Variants in LOXL2 observed in about 807,000 individuals in gnomAD.
The protein encoded by LOXL2 is lysyl oxidase like 2.
A neutral mutation model predicts 93.0 loss-of-function variants in LOXL2; 70 were observed. The observed-to-expected ratio is 0.75, with a 90% confidence interval of 0.62 to 0.92. The LOEUF (loss-of-function observed/expected upper bound fraction) is 0.92, where lower values mean the gene tolerates loss of function less well. Among genes scored for constraint, LOXL2 ranks in the 40% least tolerant of loss-of-function variants. The pLI is 0.00. For synonymous variants in LOXL2, 438 were observed against 413.2 expected (o/e 1.06, Z -0.73); for missense variants, 973 against 1,054.9 (o/e 0.92, Z 1.08).
chr8:23,352,008 T>TC (rs1804101819), intron 3 of LOXL2, among the ~76,000 whole-genome samples: 1 of 152,164 alleles, frequency 6.6e-6, no homozygotes, highest in Non-Finnish European at 1.5e-5. Context: ...GATGGGGGTC[T>TC]CGTCACGTTG....
At chr8:23,334,116 G>A (rs1179313861) in intron 4 of LOXL2, among the ~76,000 whole-genome samples, 1 of 152,036 alleles carries the variant, frequency 6.6e-6, no homozygotes, top group African/African-American at 2.4e-5. Flanking sequence ...TGCAATCACT[G>A]CAACCTCTGC....
At chr8:23,367,555 T>A (rs1804424483) in intron 2 of LOXL2, among the ~76,000 whole-genome samples, 1 of 152,066 alleles carries the variant, frequency 6.6e-6, no homozygotes, top group South Asian at 2.1e-4. Context: ...GGAGCCATTG[T>A]GAGGAAGAGC....
At chr8:23,376,854 C>A (rs1322511183) in intron 1 of LOXL2, among the ~76,000 whole-genome samples, 1 of 152,108 alleles carries the variant, frequency 6.6e-6, no homozygotes, top group Non-Finnish European at 1.5e-5. Flanking sequence ...GTCTTGCTAG[C>A]AGTCTATCAA....
intron 3 of LOXL2, among the ~76,000 whole-genome samples, chr8:23,346,222 A>T (rs1456425661): frequency 1.3e-5 from 2 of 150,514 alleles, no homozygotes; most frequent in Non-Finnish European, 3.0e-5. Flanking sequence ...AATAAAATAA[A>T]ATAAAATTCA....
rs1803086364 is a variant in LOXL2 at position 23,299,177 on chromosome 8, G to A, written c.2134-230C>T. 3.3e-5 allele frequency among the ~76,000 whole-genome samples: 5 copies of A among 152,318 alleles called. No individual in the cohort carries two copies. The South Asian group carries it at 1.0e-3, about 32-fold the overall frequency. On this transcript the variant is annotated intron_variant, in intron 12 of 13. Coordinates refer to ENST00000389131, the MANE Select transcript of LOXL2 (RefSeq NM_002318.3). ...GAAACCCTGCCCTCTGTCCATATCCGTGTAACACACACCCCTCTACCCAGG... is the reference window on the plus strand; with the variant it reads ...GAAACCCTGCCCTCTGTCCATATCCATGTAACACACACCCCTCTACCCAGG...
At chr8:23,355,197 G>A (rs1264036454) in intron 3 of LOXL2, among the ~76,000 whole-genome samples, 3 of 151,432 alleles carry the variant, frequency 2.0e-5, no homozygotes, top group African/African-American at 2.4e-5. Context: ...TGTCTGCCTC[G>A]GCCTCCCAAA....
intron 7 of LOXL2, 149 bp downstream of exon 7, chr8:23,321,981 G>C (rs551059733): frequency 1.1e-6 from 1 of 879,428 alleles, no homozygotes; most frequent in East Asian, 2.5e-5. Flanking sequence ...AGGTTCGAGG[G>C]GGAACTAAAC....
intron 3 of LOXL2, among the ~76,000 whole-genome samples, chr8:23,349,401 G>A (rs1804053214): frequency 6.6e-6 from 1 of 152,092 alleles, no homozygotes. Context: ...CAGGGAAAAT[G>A]TTATTCATCC....
chr8:23,309,144 C>T (rs1309132288), intron 10 of LOXL2, among the ~76,000 whole-genome samples: 1 of 151,964 alleles, frequency 6.6e-6, no homozygotes, highest in African/African-American at 2.4e-5. Context: ...ACCACCATGC[C>T]CGGCTAATTT....
At chr8:23,342,352 C>A (rs111298093) in intron 3 of LOXL2, among the ~76,000 whole-genome samples, 15 of 152,214 alleles carry the variant, frequency 9.9e-5, no homozygotes, top group African/African-American at 3.6e-4. Flanking sequence ...ATCACCAGCT[C>A]TTGCGACAGT....
intron 6 of LOXL2, among the ~76,000 whole-genome samples, chr8:23,327,428 T>A (rs2117165002): frequency 6.6e-6 from 1 of 152,268 alleles, no homozygotes; most frequent in African/African-American, 2.4e-5. Context: ...TGGCCCAACA[T>A]CTGACACTAT....
At chr8:23,328,262 G>A (rs1012236757) in intron 6 of LOXL2, 120 bp downstream of exon 6, 2 of 1,032,508 alleles carry the variant, frequency 1.9e-6, no homozygotes, top group Non-Finnish European at 2.9e-6. Context: ...CTCCCAGGCA[G>A]CCACTAAAGG....
chr8:23,298,982 C>T (rs1803083627), intron 12 of LOXL2, 35 bp from the exon 13 acceptor site: 3 of 1,252,064 alleles, frequency 2.4e-6, no homozygotes, highest in African/African-American at 2.9e-5. Flanking sequence ...GCTGCTTGTT[C>T]CCTCTGCGGC....
At position 23,340,765 on chromosome 8, in the gene LOXL2, G is replaced by A. The variant is rs192696755; in HGVS notation, c.743+227C>T. ...CCCACAAGCTACTCTAGGGATTAGGGTCTATCTCCTGTAGATGTGTGAGTT... is the reference window on the plus strand; with the variant it reads ...CCCACAAGCTACTCTAGGGATTAGGATCTATCTCCTGTAGATGTGTGAGTT... On this transcript the variant is annotated intron_variant, in intron 4 of 13. Transcript: ENST00000389131. 1.5e-3 allele frequency among the ~76,000 whole-genome samples: 235 copies of A among 152,266 alleles called. 1 individual carries two copies. Among genetic ancestry groups the A allele is most frequent in the African/African-American group, 5.5e-3 (229 of 41,552 alleles).
At chr8:23,363,443 C>T (rs577053392) in intron 2 of LOXL2, 1 of 152,222 alleles carries the variant, frequency 6.6e-6, no homozygotes, top group Non-Finnish European at 1.5e-5. Context: ...TCCACTGAAA[C>T]ATACACTCCC....
rs777958853 is a variant in LOXL2, at chr8:23,368,251, G to C, written c.101C>G (p.Pro34Arg). 2 of 1,613,942 alleles carry C rather than the reference G, an allele frequency of 1.2e-6. No individual in the cohort carries two copies. The highest frequency in any genetic ancestry group is 1.1e-5 in the South Asian group (1 of 91,086). The change falls in exon 2 of 14, where the codon CCC becomes CGC. Residue 34 changes from proline to arginine, a missense_variant. Physicochemically the swap from Pro to Arg is moderately radical, Grantham distance 103. Transcript: ENST00000389131. ...AGGAGCCGGTTGCTGGAAGTACTCG[G>C]GGTAATGGGGCCAGCTGTCATACTG... The part of the protein sequence containing the change: ...LAQYDSWPHY[P>R]EYFQQPAPEY...
chr8:23,397,426 G>C (rs17089187), intron 1 of LOXL2, among the ~76,000 whole-genome samples: 17,081 of 152,208 alleles, frequency 0.11, 1,065 homozygotes, highest in East Asian at 0.24. Context: ...TATATACTTA[G>C]GATCATGTGA....
intron 2 of LOXL2, among the ~76,000 whole-genome samples, chr8:23,362,100 G>A (rs796769841): frequency 1.3e-4 from 20 of 152,308 alleles, no homozygotes; most frequent in African/African-American, 4.6e-4. Flanking sequence ...CCAAGAGGTG[G>A]AAGCAACCCA....
Position 23,328,557 on chromosome 8 carries a change from C to A in LOXL2, c.975G>T (p.Leu325=). Residue 325 remains leucine, a synonymous_variant, in exon 6 of 14, where the codon CTG becomes CTT. Transcript: ENST00000389131. ...FRKAYKPEQP[L]VRLRGGAYIG... is the part of the protein sequence containing the mutation. ...TGTAGGCACCGCCTCTCAGTCGCAC[C>A]AGGGGTTGCTGAAGAGACACACGGT... is the stretch of plus-strand genomic sequence containing the variant. 6.2e-7 allele frequency: 1 copy of A among 1,613,918 alleles called. No homozygotes were observed. Among genetic ancestry groups the A allele is most frequent in the Non-Finnish European group, 8.5e-7 (1 of 1,180,020 alleles).
Sources: allele counts gnomAD v4.1 joint callset (sites outside exome capture counted in the v4.1 genomes callset), GRCh38; gene constraint gnomAD v4.1.1; transcripts MANE v1.5; gene names NCBI Gene and HGNC (gene_info 2026-07-23, HGNC 2026-07-21).